The following EPM2A variants were observed in gnomAD, a reference collection of about 807,000 sequenced individuals.
The protein encoded by EPM2A is laforin.
A neutral mutation model predicts 26.5 loss-of-function variants in EPM2A; 21 were observed. The observed-to-expected ratio is 0.79, with a 90% CI of 0.56 to 1.14. EPM2A has a LOEUF of 1.14. Ranked by LOEUF, EPM2A falls within the 50% of genes most tolerant of loss-of-function variation. The probability of loss-of-function intolerance (pLI) is 0.00; values close to 1 mark genes in which losing one functional copy is unlikely to be tolerated. For missense variants in EPM2A, 458 were observed against 440.8 expected (o/e 1.04, Z -0.35); for synonymous variants, 217 against 177.6 (o/e 1.22, Z -1.76).
intron 1 of EPM2A, among the ~76,000 whole-genome samples, chr6:145,724,856 C>T (rs1012825610): frequency 4.0e-5 from 6 of 151,814 alleles, no homozygotes; most frequent in African/African-American, 1.5e-4. Flanking sequence ...CAGAAAATGG[C>T]TTATAAATAT....
intron 1 of EPM2A, among the ~76,000 whole-genome samples, chr6:145,693,863 A>G (rs1781420304): frequency 6.6e-6 from 1 of 151,968 alleles, no homozygotes. Flanking sequence ...CATCAAGGCA[A>G]GTTAGGTGAT....
At chr6:145,579,877 G>A (rs28568954) in intron 2 of EPM2A, among the ~76,000 whole-genome samples, 1 of 151,734 alleles carries the variant, frequency 6.6e-6, no homozygotes, top group African/African-American at 2.4e-5. Context: ...GGTTGCTATA[G>A]GTTTATATTA....
At chr6:145,512,066 G>T (rs1371684124) in intron 2 of EPM2A, among the ~76,000 whole-genome samples, 2 of 152,076 alleles carry the variant, frequency 1.3e-5, no homozygotes, top group Non-Finnish European at 2.9e-5. Context: ...GGAAGTGAAA[G>T]ATCTCCACCA....
rs1448462045 is a variant in EPM2A, at chr6:145,664,010, G to A, written c.476+22112C>T. Among the ~76,000 whole-genome samples the A allele has an allele frequency of 8.5e-5, 7 of 82,306 alleles. 3 individuals are homozygous for A. The highest frequency in any genetic ancestry group is 1.6e-4 in the Non-Finnish European group (7 of 42,836). 54.0% of individuals were successfully genotyped at this position (82,306 alleles called of 152,430 possible). On this transcript the variant is annotated intron_variant, in intron 2 of 3. Transcript: ENST00000367519. ...AGCCTGCCCTAAAAGAGCTCCTGAA[G>A]GAAGCGCTAAACATCGAAAGGAAAA...
chr6:145,557,447 G>T (rs1430440076), intron 2 of EPM2A, among the ~76,000 whole-genome samples: 6 of 151,786 alleles, frequency 4.0e-5, no homozygotes, highest in Non-Finnish European at 8.8e-5. Flanking sequence ...TAAGAGGAAG[G>T]AATAAAGAAA....
chr6:145,688,479 A>G (rs141013228), intron 1 of EPM2A, among the ~76,000 whole-genome samples: 34 of 152,304 alleles, frequency 2.2e-4, no homozygotes, highest in African/African-American at 7.5e-4. Flanking sequence ...AAGAGGCTGT[A>G]AGGAAAGATC....
chr6:145,438,996 T>C (rs1344595302), intron 4 of EPM2A, among the ~76,000 whole-genome samples: 2 of 152,098 alleles, frequency 1.3e-5, no homozygotes, highest in Non-Finnish European at 2.9e-5. Context: ...CCTGTATCTG[T>C]TGTTCCCCTC....
At chr6:145,605,218 GCAA>G (rs1288058513) in intron 2 of EPM2A, among the ~76,000 whole-genome samples, 2 of 152,118 alleles carry the variant, frequency 1.3e-5, no homozygotes, top group African/African-American at 4.8e-5. Flanking sequence ...GTTTCCAACA[GCAA>G]CAACAATTAT....
At chr6:145,462,431 T>C (rs1779338235) in intron 4 of EPM2A, among the ~76,000 whole-genome samples, 1 of 152,206 alleles carries the variant, frequency 6.6e-6, no homozygotes, top group African/African-American at 2.4e-5. Context: ...AGTATATTTT[T>C]CCACAGGGAA....
chr6:145,630,392 TG>T, intron 3 of EPM2A: 1 of 152,284 alleles, frequency 6.6e-6, no homozygotes, highest in Non-Finnish European at 1.5e-5. Context: ...GCAGGTGGAT[TG>T]CCTGAGGTCA....
chr6:145,609,969 C>T (rs1470676650), intron 2 of EPM2A, among the ~76,000 whole-genome samples: 1 of 152,174 alleles, frequency 6.6e-6, no homozygotes, highest in Non-Finnish European at 1.5e-5. Flanking sequence ...GTAATCCCAG[C>T]ACTTTGGGAG....
downstream of EPM2A, among the ~76,000 whole-genome samples, chr6:145,623,690 A>G (rs1244450063): frequency 6.6e-6 from 1 of 152,194 alleles, no homozygotes; most frequent in Non-Finnish European, 1.5e-5. Context: ...CATCCTGACC[A>G]CTATGTGAGA....
intron 3 of EPM2A, chr6:145,628,442 A>G (rs1164200843): frequency 6.6e-6 from 1 of 152,290 alleles, no homozygotes; most frequent in African/African-American, 2.4e-5. Context: ...CCGCTCTCTC[A>G]TCCCGTGGGA....
At chr6:145,552,388 G>A (rs555988713) in intron 2 of EPM2A, among the ~76,000 whole-genome samples, 1 of 152,112 alleles carries the variant, frequency 6.6e-6, no homozygotes, top group African/African-American at 2.4e-5. Flanking sequence ...GACAATCAGA[G>A]TGATTTCTGA....
chr6:145,521,058 C>A (rs2114773627), intron 2 of EPM2A, among the ~76,000 whole-genome samples: 1 of 152,250 alleles, frequency 6.6e-6, no homozygotes, highest in South Asian at 2.1e-4. Flanking sequence ...GAGATTGCAG[C>A]AGCAATGTCC....
At chr6:145,585,934 C>T (rs1251719140) in intron 2 of EPM2A, among the ~76,000 whole-genome samples, 1 of 152,198 alleles carries the variant, frequency 6.6e-6, no homozygotes, top group African/African-American at 2.4e-5. Flanking sequence ...TCCAGTTTGG[C>T]TCCTAGAAAC....
chr6:145,696,663 A>G (rs1439626352), intron 1 of EPM2A, among the ~76,000 whole-genome samples: 1 of 152,152 alleles, frequency 6.6e-6, no homozygotes, highest in Admixed American at 6.6e-5. Context: ...TTTCTAAAAT[A>G]AATGAAAATA....
At chr6:145,517,296 A>T (rs1278331402) in intron 2 of EPM2A, among the ~76,000 whole-genome samples, 1 of 152,236 alleles carries the variant, frequency 6.6e-6, no homozygotes, top group East Asian at 1.9e-4. Flanking sequence ...AATTCACAGT[A>T]CTGCTCACAT....
chr6:145,640,500 C>A (rs546816261), intron 2 of EPM2A: 1 of 152,068 alleles, frequency 6.6e-6, no homozygotes, highest in Non-Finnish European at 1.5e-5. Flanking sequence ...GCCATACAAA[C>A]GGAGCACCAT....
Sources: allele counts gnomAD v4.1 joint callset (sites outside exome capture counted in the v4.1 genomes callset), GRCh38; gene constraint gnomAD v4.1.1; transcripts MANE v1.5; gene names NCBI Gene and HGNC (gene_info 2026-07-23, HGNC 2026-07-21).